DOCK4: variants seen among roughly 807,000 people sequenced by gnomAD.
DOCK4 encodes the protein dedicator of cytokinesis protein 4.
A neutral mutation model predicts 268.1 loss-of-function variants in DOCK4; 97 were observed. The ratio of observed to expected loss-of-function variants is 0.36; its 90% CI spans 0.31 to 0.43. DOCK4 has a LOEUF of 0.43. DOCK4 is among the 20% of genes least tolerant of loss of function. DOCK4 has a pLI of 1.00. For synonymous variants in DOCK4, 954 were observed against 887.2 expected (o/e 1.08, Z -1.34); for missense variants, 2,145 against 2,455.7 (o/e 0.87, Z 2.67).
Position 111,937,687 on chromosome 7 carries a change from A to G in DOCK4, c.978-2059T>C, listed in dbSNP as rs377321526. On this transcript the variant is annotated intron_variant, in intron 11 of 52. Transcript: ENST00000428084. ...AATTTCAGTTTGCTTAAAAAGCCAC[A>G]TAACAGCAGCATCATCACCTTACTA... Among the ~76,000 whole-genome samples, 17 of 152,364 alleles carry G rather than the reference A, an allele frequency of 1.1e-4. No individual in the cohort carries two copies. In the East Asian group the frequency reaches 3.1e-3, roughly 28 times the overall value.
In DOCK4 at chr7:111,938,906, G is replaced by A. The variant is rs978050726; in HGVS notation, c.977+1204C>T. On this transcript the variant is annotated intron_variant, in intron 11 of 52. Transcript: ENST00000428084. ...AGAAAATCTCTTGAACCTGGGAGGC[G>A]GAGGTTGCAGTGAGCCGAGATTGCT... Among the ~76,000 whole-genome samples, 9 of 151,048 alleles carry A rather than the reference G, an allele frequency of 6.0e-5. No individual in the cohort carries two copies. The East Asian group carries it at 1.4e-3, about 23-fold the overall frequency.
In DOCK4 at chr7:112,182,049, G is replaced by C. The variant is rs142615162; in HGVS notation, c.37+24053C>G. Reference sequence around the variant, plus strand: ...ATAACATTTAAAACTGTGCATTCTAGAGTCACACCACCTGCCTTCAGATAC... The same window carrying C: ...ATAACATTTAAAACTGTGCATTCTACAGTCACACCACCTGCCTTCAGATAC... On this transcript the variant is annotated intron_variant, in intron 1 of 52. Coordinates refer to ENST00000428084, the MANE Select transcript of DOCK4 (RefSeq NM_001363540.2). 3.0e-3 allele frequency among the ~76,000 whole-genome samples: 459 copies of C among 152,196 alleles called. 3 individuals are homozygous for C. The highest frequency in any genetic ancestry group is 0.01 in the African/African-American group (422 of 41,536).
At chr7:111,894,495 A>T (rs1291973899) in intron 16 of DOCK4, among the ~76,000 whole-genome samples, 1 of 152,148 alleles carries the variant, frequency 6.6e-6, no homozygotes, top group Non-Finnish European at 1.5e-5. Context: ...CAGGGAGCTC[A>T]GGGAAGGGCA....
chr7:111,866,248 T>C (rs930404054), intron 22 of DOCK4, among the ~76,000 whole-genome samples: 2 of 152,216 alleles, frequency 1.3e-5, no homozygotes, highest in African/African-American at 4.8e-5. Flanking sequence ...GCATTTCTTG[T>C]CTTCCCCAAA....
chr7:111,974,492 A>ATATGTGTGTGTG (rs1491266241), intron 8 of DOCK4, among the ~76,000 whole-genome samples: 1 of 84,324 alleles, frequency 1.2e-5, no homozygotes, highest in East Asian at 3.5e-4. Flanking sequence ...TTGAAGAGGG[A>ATATGTGTGTGTG]TGTGTGTGTG....
At chr7:112,178,572 A>T (rs1818722329) in intron 1 of DOCK4, among the ~76,000 whole-genome samples, 1 of 152,146 alleles carries the variant, frequency 6.6e-6, no homozygotes, top group Non-Finnish European at 1.5e-5. Flanking sequence ...CTGAAAATAC[A>T]TGGTTTCCTC....
intron 1 of DOCK4, among the ~76,000 whole-genome samples, chr7:112,011,799 C>A (rs1360755341): frequency 6.7e-6 from 1 of 149,364 alleles, no homozygotes; most frequent in Non-Finnish European, 1.5e-5. Context: ...TTGCATCCAC[C>A]TATCCATACT....
intron 42 of DOCK4, among the ~76,000 whole-genome samples, chr7:111,751,320 A>G (rs1004685979): frequency 8.5e-5 from 13 of 152,236 alleles, no homozygotes; most frequent in Non-Finnish European, 1.5e-5. Context: ...TTCTTCAATA[A>G]AAAAATAAGG....
intron 1 of DOCK4, among the ~76,000 whole-genome samples, chr7:112,101,231 T>C (rs1810648440): frequency 6.6e-6 from 1 of 152,330 alleles, no homozygotes; most frequent in East Asian, 1.9e-4. Flanking sequence ...TTCAGCTCCA[T>C]TATCCCAGTG....
chr7:112,112,884 C>A (rs1312830317), intron 1 of DOCK4, among the ~76,000 whole-genome samples: 1 of 152,108 alleles, frequency 6.6e-6, no homozygotes. Context: ...ATATTCTATT[C>A]CAGTTTCTAC....
chr7:111,837,687 T>C (rs1017001534), intron 25 of DOCK4, among the ~76,000 whole-genome samples: 3 of 152,128 alleles, frequency 2.0e-5, no homozygotes, highest in African/African-American at 4.8e-5. Context: ...AAAAGATGTA[T>C]AAAATCTGCA....
intron 30 of DOCK4, among the ~76,000 whole-genome samples, chr7:111,791,495 G>C (rs1285735071): frequency 6.6e-6 from 1 of 151,510 alleles, no homozygotes; most frequent in Non-Finnish European, 1.5e-5. Context: ...TGTCACCCAG[G>C]CTGGAGTGCA....
chr7:112,180,063 A>C (rs1162642990), intron 1 of DOCK4, among the ~76,000 whole-genome samples: 1 of 151,760 alleles, frequency 6.6e-6, no homozygotes, highest in Admixed American at 6.6e-5. Context: ...ACAAAATTCC[A>C]AAGTAAAAAC....
At chr7:111,880,285 A>C (rs1193691139) in intron 16 of DOCK4, among the ~76,000 whole-genome samples, 1 of 152,210 alleles carries the variant, frequency 6.6e-6, no homozygotes, top group East Asian at 1.9e-4. Flanking sequence ...TGACACCTTT[A>C]AAGTGCTAAA....
chr7:111,949,214 C>A lies in DOCK4; in HGVS notation c.702-3416G>T, dbSNP rs188845018. The stretch of plus-strand genomic sequence containing the variant: ...ATTACCTCTACAGAAACATTCAAAG[C>A]AAATTTCACATTATCTTGGTCAGTC... On this transcript the variant is annotated intron_variant, in intron 8 of 52. Coordinates refer to ENST00000428084, the MANE Select transcript of DOCK4 (RefSeq NM_001363540.2). 8.4e-3 allele frequency among the ~76,000 whole-genome samples: 1,273 copies of A among 152,212 alleles called. 11 individuals are homozygous for A. Among genetic ancestry groups the A allele is most frequent in the Middle Eastern group, 0.024 (7 of 294 alleles).
At chr7:112,002,529 A>G (rs945859316) in intron 2 of DOCK4, among the ~76,000 whole-genome samples, 1 of 152,204 alleles carries the variant, frequency 6.6e-6, no homozygotes, top group Non-Finnish European at 1.5e-5. Context: ...GGTATCAATC[A>G]CAGTGGACAG....
chr7:112,126,886 C>A lies in DOCK4; in HGVS notation c.37+79216G>T, dbSNP rs1178990794. Among the ~76,000 whole-genome samples the A allele has an allele frequency of 2.6e-5, 4 of 151,874 alleles. No individual in the cohort carries two copies. The East Asian group carries it at 7.7e-4, about 29-fold the overall frequency. ...TACCATCTCACACCAGGTAGAATGG[C>A]AATCATTAAAAAGTCAGGAAACAAC... On this transcript the variant is annotated intron_variant, in intron 1 of 52. Transcript: ENST00000428084.
intron 7 of DOCK4, among the ~76,000 whole-genome samples, chr7:111,982,096 G>A (rs1232941219): frequency 6.6e-6 from 1 of 152,158 alleles, no homozygotes; most frequent in Admixed American, 6.6e-5. Context: ...GGAACTTCCA[G>A]GAAGGTTCAT....
intron 20 of DOCK4, among the ~76,000 whole-genome samples, chr7:111,870,558 A>T (rs1278481704): frequency 6.6e-6 from 1 of 151,898 alleles, no homozygotes; most frequent in Non-Finnish European, 1.5e-5. Context: ...CTGACCTCAA[A>T]TGATCTGTCC....
Sources: allele counts gnomAD v4.1 joint callset (sites outside exome capture counted in the v4.1 genomes callset), GRCh38; gene constraint gnomAD v4.1.1; transcripts MANE v1.5; gene names NCBI Gene and HGNC (gene_info 2026-07-23, HGNC 2026-07-21).